ZCCHC14: variants seen among roughly 807,000 people sequenced by gnomAD.
ZCCHC14 encodes the protein zinc finger CCHC-type containing 14, also known as zinc finger CCHC domain-containing protein 14.
In ZCCHC14, 16 loss-of-function variants were observed where a neutral mutation model predicts 85.0. The ratio of observed to expected loss-of-function variants is 0.19; its 90% CI spans 0.13 to 0.29. ZCCHC14 has a LOEUF of 0.29. Ranked by LOEUF, ZCCHC14 falls within the 10% of genes least tolerant of loss-of-function variation. ZCCHC14 has a pLI of 1.00. For synonymous variants in ZCCHC14, 775 were observed against 630.7 expected, an observed-to-expected ratio of 1.23 and a Z score of -3.43; for missense variants, 1,303 against 1,443.5, an observed-to-expected ratio of 0.90 and a Z score of 1.58.
intron 3 of ZCCHC14, among the ~76,000 whole-genome samples, chr16:87,426,265 C>T (rs1367844830): frequency 6.6e-6 from 1 of 152,196 alleles, no homozygotes; most frequent in Non-Finnish European, 1.5e-5. Context: ...GCGGGAAGAG[C>T]ATCCTCTTGT....
intron 3 of ZCCHC14, among the ~76,000 whole-genome samples, chr16:87,431,737 A>G (rs919732404): frequency 1.7e-4 from 26 of 152,278 alleles, no homozygotes; most frequent in South Asian, 2.1e-4. Flanking sequence ...ACCGCAATGC[A>G]AGGAATGAAG....
chr16:87,413,103 C>T lies in ZCCHC14; in HGVS notation c.1696G>A (p.Val566Ile), dbSNP rs1400179995. The T allele has an allele frequency of 6.2e-7, 1 of 1,614,022 alleles. No homozygotes were observed. Among genetic ancestry groups the T allele is most frequent in the African/African-American group, 1.3e-5 (1 of 75,054 alleles). Residue 566 changes from valine to isoleucine, a missense_variant, in exon 11 of 13, where the codon GTA becomes ATA. Around this residue, in one of 7 missense-constraint regions of ZCCHC14, gnomAD observed 797 missense variants for 730.8 expected, o/e 1.09. Coordinates refer to ENST00000671377, the MANE Select transcript of ZCCHC14 (RefSeq NM_015144.3). ...TCGGAGCTCTCTTCCCGGGCCTGTA[C>T]CCCCATGGGGCTGGAGGAGGAGCTG... ...YSSSSSSPMG[V>I]QAREESSDSA...
At chr16:87,472,102 T>G (rs1333239830) in intron 1 of ZCCHC14, 10 of 152,226 alleles carry the variant, frequency 6.6e-5, no homozygotes, top group Non-Finnish European at 1.3e-4. Flanking sequence ...TCAATAAAAC[T>G]GGGCTGGGGG....
Position 87,492,376 on chromosome 16 carries a change from C to T in ZCCHC14, c.-138G>A, listed in dbSNP as rs1447023799. Reference sequence around the variant, plus strand: ...CCGGGTCCGGGCGAGGGCGCGCGGGCGCCGCGGGCCGGGCGGGCGCCGGGG... The same window carrying T: ...CCGGGTCCGGGCGAGGGCGCGCGGGTGCCGCGGGCCGGGCGGGCGCCGGGG... On this transcript the variant is annotated 5_prime_UTR_variant, in exon 1 of 13. Transcript: ENST00000671377. This position sits in a 1 kb window ranked among gnomAD's most constrained non-coding sequence, Gnocchi z 6.7. The T allele has an allele frequency of 2.1e-5, 3 of 145,142 alleles. No individual in the cohort carries two copies. The highest frequency in any genetic ancestry group is 4.4e-5 in the Non-Finnish European group (3 of 67,546). 9.0% of individuals were successfully genotyped at this position (145,142 alleles called of 1,614,324 possible).
chr16:87,475,583 C>G (rs1911968914), intron 1 of ZCCHC14, among the ~76,000 whole-genome samples: 1 of 146,316 alleles, frequency 6.8e-6, no homozygotes, highest in Non-Finnish European at 1.5e-5. Flanking sequence ...AAAGGAAATT[C>G]CAGAACTAAA....
At chr16:87,448,372 C>T (rs986145759) in intron 2 of ZCCHC14, among the ~76,000 whole-genome samples, 3 of 152,094 alleles carry the variant, frequency 2.0e-5, no homozygotes, top group African/African-American at 7.2e-5. Flanking sequence ...ATTTCTTGAT[C>T]CCTTATCAAA....
intron 1 of ZCCHC14, among the ~76,000 whole-genome samples, chr16:87,489,087 T>C (rs1159976651): frequency 1.3e-5 from 2 of 152,244 alleles, no homozygotes; most frequent in African/African-American, 4.8e-5. Context: ...ACTTAAATGC[T>C]AGATTTCATC....
intron 1 of ZCCHC14, chr16:87,471,438 G>T (rs1466420562): frequency 6.6e-6 from 1 of 152,194 alleles, no homozygotes; most frequent in Non-Finnish European, 1.5e-5. Context: ...ATCAAAAAGA[G>T]AAAGAGAGAA....
intron 3 of ZCCHC14, among the ~76,000 whole-genome samples, chr16:87,426,193 C>A (rs891694068): frequency 6.6e-6 from 1 of 152,202 alleles, no homozygotes; most frequent in African/African-American, 2.4e-5. Context: ...AAGCCCTCTA[C>A]CTCACCTGCC....
intron 1 of ZCCHC14, among the ~76,000 whole-genome samples, chr16:87,463,589 C>T (rs141327872): frequency 1.3e-5 from 2 of 152,068 alleles, no homozygotes; most frequent in Non-Finnish European, 2.9e-5. Flanking sequence ...GAGGCCGAGG[C>T]GGACAGATCA....
chr16:87,460,611 AC>A (rs1444829537), intron 1 of ZCCHC14, among the ~76,000 whole-genome samples: 2 of 151,952 alleles, frequency 1.3e-5, no homozygotes, highest in Non-Finnish European at 2.9e-5. Context: ...GATCACTTGA[AC>A]CCAGGAGGCA....
chr16:87,479,594 G>C (rs1912176714), intron 1 of ZCCHC14, among the ~76,000 whole-genome samples: 1 of 152,140 alleles, frequency 6.6e-6, no homozygotes, highest in Non-Finnish European at 1.5e-5. Flanking sequence ...TAATTAGAAT[G>C]AGTAACGGTT....
At chr16:87,463,835 A>C (rs1316880997) in intron 1 of ZCCHC14, among the ~76,000 whole-genome samples, 3 of 152,164 alleles carry the variant, frequency 2.0e-5, no homozygotes, top group Non-Finnish European at 2.9e-5. Flanking sequence ...AGGAGAAAAA[A>C]AAACAAACAG....
rs1420435827 is a variant in ZCCHC14, at chr16:87,419,894, T to C, written c.951-17A>G. Reference sequence around the variant, plus strand: ...GCCAGGTACCTAAAAGGCAAACAAGTGGTCTTATCAACATTAAAATGGCAT... The same window carrying C: ...GCCAGGTACCTAAAAGGCAAACAAGCGGTCTTATCAACATTAAAATGGCAT... On this transcript the variant is annotated splice_polypyrimidine_tract_variant and intron_variant, in intron 5 of 12. Transcript: ENST00000671377. 2.5e-6 allele frequency: 4 copies of C among 1,585,562 alleles called. No homozygotes were observed. The highest frequency in any genetic ancestry group is 1.7e-4 in the Middle Eastern group (1 of 5,938).
intron 2 of ZCCHC14, among the ~76,000 whole-genome samples, chr16:87,450,907 CTTTTTT>C (rs959477359): frequency 2.0e-5 from 3 of 150,988 alleles, no homozygotes; most frequent in Non-Finnish European, 4.4e-5. Context: ...TTTTCCTTTT[CTTTTTT>C]TTGAGATGGA....
In ZCCHC14 at chr16:87,412,367, T is replaced by A. The variant is rs1305088962; in HGVS notation, c.2354A>T (p.Asp785Val). The change falls in exon 12 of 13, where the codon GAT (aspartate) becomes GTT (valine). Residue 785 changes from aspartate (D) to valine (V), a missense_variant. Asp to Val is a radical substitution (Grantham distance 152). Coordinates refer to ENST00000671377, the MANE Select transcript of ZCCHC14 (RefSeq NM_015144.3). ...KLLLSSSVPA[D>V]SAISGQTSCP... The stretch of plus-strand genomic sequence containing the variant: ...GGAAGTTTGCCCAGAAATGGCAGAA[T>A]CAGCAGGAACAGATGACGACAGCAG... The A allele has an allele frequency of 6.2e-7, 1 of 1,614,130 alleles. No homozygotes were observed. Among genetic ancestry groups the A allele is most frequent in the Non-Finnish European group, 8.5e-7 (1 of 1,180,028 alleles).
intron 2 of ZCCHC14, among the ~76,000 whole-genome samples, chr16:87,454,917 G>A (rs982138210): frequency 6.6e-6 from 1 of 152,138 alleles, no homozygotes; most frequent in African/African-American, 2.4e-5. Context: ...GTCATCTGCC[G>A]ATCCACAAAG....
At chr16:87,484,822 T>C (rs796926018) in intron 1 of ZCCHC14, among the ~76,000 whole-genome samples, 5 of 152,118 alleles carry the variant, frequency 3.3e-5, no homozygotes, top group African/African-American at 1.2e-4. Flanking sequence ...CAGAGAACCA[T>C]TATGGTTCTC....
At chr16:87,487,988 C>T (rs570082777) in intron 1 of ZCCHC14, among the ~76,000 whole-genome samples, 32 of 152,046 alleles carry the variant, frequency 2.1e-4, no homozygotes, top group Admixed American at 7.2e-4. Context: ...GAATGGGGAG[C>T]GACTCCTAAT....
Sources: allele counts gnomAD v4.1 joint callset (sites outside exome capture counted in the v4.1 genomes callset), GRCh38; gene constraint gnomAD v4.1.1; regional missense constraint gnomAD v4.1.1; non-coding constraint Gnocchi (gnomAD v3.1); transcripts MANE v1.5; gene names NCBI Gene and HGNC (gene_info 2026-07-23, HGNC 2026-07-21).